Variants in TMEM125 observed in about 807,000 individuals in gnomAD.
The protein encoded by TMEM125 is transmembrane protein 125.
In TMEM125, 11 loss-of-function variants were observed where a neutral mutation model predicts 8.7. The ratio of observed to expected loss-of-function variants is 1.26; its 90% CI spans 0.79 to 2.08. The LOEUF is 2.08. Ranked by LOEUF, TMEM125 falls within the 30% of genes most tolerant of loss-of-function variation. The pLI, the probability that TMEM125 is intolerant of heterozygous loss-of-function variation, is 0.00. For missense variants in TMEM125, 270 were observed against 302.4 expected (o/e 0.89, Z 0.79); for synonymous variants, 144 against 146.1 (o/e 0.99, Z 0.10).
At position 43,272,763 on chromosome 1, in the gene TMEM125, T is replaced by G; in HGVS notation, c.41T>G (p.Leu14Arg). The G allele has an allele frequency of 1.3e-6, 2 of 1,519,936 alleles. No homozygotes were observed. Among genetic ancestry groups the G allele is most frequent in the Non-Finnish European group, 1.8e-6 (2 of 1,134,114 alleles). 94.2% of individuals were successfully genotyped at this position (1,519,936 alleles called of 1,614,324 possible). Residue 14 changes from leucine to arginine, a missense_variant, in exon 4 of 4, where the codon CTG (leucine) becomes CGG (arginine). Transcript: ENST00000439858. The surrounding 1 kb of genome is among the most constrained non-coding windows in gnomAD (Gnocchi z 5.0). ...QEAQAPGGRGLPPDMLAEQVE... is the reference protein window; with the variant it reads ...QEAQAPGGRGRPPDMLAEQVE... ...GCTCAAGCCCCAGGGGGCCGGGGGC[T>G]GCCCCCGGACATGCTGGCAGAGCAG... is the stretch of plus-strand genomic sequence containing the variant.
chr1:43,272,220 T>A lies in TMEM125; in HGVS notation c.-265T>A, dbSNP rs891263736. On this transcript the variant is annotated 5_prime_UTR_variant, in exon 3 of 4. It removes an upstream start codon present in the reference 5' UTR. Coordinates refer to ENST00000439858, the MANE Select transcript of TMEM125 (RefSeq NM_144626.3). The surrounding 1 kb of genome is among the most constrained non-coding windows in gnomAD (Gnocchi z 5.0). Reference sequence around the variant, plus strand: ...GAACCAGTGGTGACAGCTGAGGCCATGTGAGTAGGATCCTGAATGAGGCTT... The same window carrying A: ...GAACCAGTGGTGACAGCTGAGGCCAAGTGAGTAGGATCCTGAATGAGGCTT... 1 of 152,340 alleles carries A rather than the reference T, an allele frequency of 6.6e-6. No homozygotes were observed. Among genetic ancestry groups the A allele is most frequent in the African/African-American group, 2.4e-5 (1 of 41,406 alleles). The allele number at this position is 152,340 out of a possible 1,614,324, so 9.4% of individuals were successfully genotyped here. A position where few individuals can be genotyped will look rare whatever the true frequency, so the allele number is the denominator to read the frequency against.
At position 43,273,112 on chromosome 1, in the gene TMEM125, C is replaced by T. The variant is rs755442899; in HGVS notation, c.390C>T (p.Thr130=). Residue 130 remains threonine (T), a synonymous_variant, in exon 4 of 4, where the codon ACC becomes ACT. Transcript: ENST00000439858. ...SGLVLLVTGL[T]LAGLAAAPAP... The stretch of plus-strand genomic sequence containing the variant: ...TCGTGCTGCTGGTCACCGGCCTGAC[C>T]CTGGCCGGGCTGGCCGCCGCCCCTG... 1 of 1,610,482 alleles carries T rather than the reference C, an allele frequency of 6.2e-7. No individual in the cohort carries two copies. Among genetic ancestry groups the T allele is most frequent in the East Asian group, 2.2e-5 (1 of 44,762 alleles).
In TMEM125 at chr1:43,271,507, C is replaced by T. The variant is rs1481315840; in HGVS notation, c.-301-677C>T. Among the ~76,000 whole-genome samples, 1 of 152,222 alleles carries T rather than the reference C, an allele frequency of 6.6e-6. No individual in the cohort carries two copies. The highest frequency in any genetic ancestry group is 1.5e-5 in the Non-Finnish European group (1 of 68,040). ...AGGGACCTCATGTGCTTTATTTTTGCCCAATGTGAGACATGCTTTCCTCTG... is the reference window on the plus strand; with the variant it reads ...AGGGACCTCATGTGCTTTATTTTTGTCCAATGTGAGACATGCTTTCCTCTG... On this transcript the variant is annotated intron_variant, in intron 2 of 3. Transcript: ENST00000439858. The surrounding 1 kb of genome is among the most constrained non-coding windows in gnomAD (Gnocchi z 4.9).
Position 43,272,978 on chromosome 1 carries a change from C to G in TMEM125, c.256C>G (p.Leu86Val), listed in dbSNP as rs747175230. 1 of 1,611,462 alleles carries G rather than the reference C, an allele frequency of 6.2e-7. No homozygotes were observed. Among genetic ancestry groups the G allele is most frequent in the Non-Finnish European group, 8.5e-7 (1 of 1,178,120 alleles). The part of the protein sequence containing the change: ...LLALLVLVKQ[L>V]MSSAVQDMNC... ...GGCTCTGCTGGTTCTGGTGAAACAGCTGATGAGCTCGGCTGTGCAGGACAT... is the reference window on the plus strand; with the variant it reads ...GGCTCTGCTGGTTCTGGTGAAACAGGTGATGAGCTCGGCTGTGCAGGACAT... The change falls in exon 4 of 4, where the codon CTG (leucine) becomes GTG (valine). Residue 86 changes from leucine (L) to valine (V), a missense_variant. Physicochemically the swap from Leu to Val is conservative, Grantham distance 32. Transcript: ENST00000439858. The surrounding 1 kb of genome is among the most constrained non-coding windows in gnomAD (Gnocchi z 5.0).
rs906298063 is a variant in TMEM125 at position 43,271,789 on chromosome 1, G to T, written c.-301-395G>T. ...GGCTAGAGAAATGTTTAGAGGTGGA[G>T]CCCCAGGGACAGGACGTGGATTAGA... On this transcript the variant is annotated intron_variant, in intron 2 of 3. Transcript: ENST00000439858. This position sits in a 1 kb window ranked among gnomAD's most constrained non-coding sequence, Gnocchi z 4.9. 6.6e-6 allele frequency among the ~76,000 whole-genome samples: 1 copy of T among 152,208 alleles called. No individual in the cohort carries two copies. Among genetic ancestry groups the T allele is most frequent in the Non-Finnish European group, 1.5e-5 (1 of 68,028 alleles).
Position 43,272,526 on chromosome 1 carries a change from C to T in TMEM125, c.-145-52C>T, listed in dbSNP as rs540524674. The T allele has an allele frequency of 2.5e-5, 12 of 481,468 alleles. No homozygotes were observed. The highest frequency in any genetic ancestry group is 5.3e-4 in the Middle Eastern group (1 of 1,872). 29.8% of individuals were successfully genotyped at this position (481,468 alleles called of 1,614,324 possible). A position where few individuals can be genotyped will look rare whatever the true frequency, so the allele number is the denominator to read the frequency against. ...TCATCCCCAAGGCTCCCAGGTGGGACCGTGGGGGACAGGTGGGCTGGGAAG... is the reference window on the plus strand; with the variant it reads ...TCATCCCCAAGGCTCCCAGGTGGGATCGTGGGGGACAGGTGGGCTGGGAAG... On this transcript the variant is annotated intron_variant, in intron 3 of 3. Transcript: ENST00000439858. The surrounding 1 kb of genome is among the most constrained non-coding windows in gnomAD (Gnocchi z 5.0).
Position 43,273,358 on chromosome 1 carries a change from A to G in TMEM125, c.636A>G (p.Thr212=). The change falls in exon 4 of 4, where the codon ACA becomes ACG. Residue 212 remains threonine, a synonymous_variant. Transcript: ENST00000439858. ...QLSAGRRHET[T]SSIASLI is the part of the protein sequence containing the mutation. ...CTGCTGGCCGGCGTCACGAGACCAC[A>G]TCCAGCATTGCCAGCCTCATCTGAC... 6.2e-7 allele frequency: 1 copy of G among 1,609,004 alleles called. No individual in the cohort carries two copies. The highest frequency in any genetic ancestry group is 1.1e-5 in the South Asian group (1 of 90,992).
chr1:43,273,444 G>A lies in TMEM125; in HGVS notation c.*62G>A. On this transcript the variant is annotated 3_prime_UTR_variant, in exon 4 of 4. Coordinates refer to ENST00000439858, the MANE Select transcript of TMEM125 (RefSeq NM_144626.3). ...AGCGTCCCCAGAGCCGAGCCAGGGT[G>A]TGAGTGCATGTGAACGTTGAGTACA... is the stretch of plus-strand genomic sequence containing the variant. 1.3e-6 allele frequency: 2 copies of A among 1,544,624 alleles called. No homozygotes were observed. Among genetic ancestry groups the A allele is most frequent in the Non-Finnish European group, 1.8e-6 (2 of 1,140,370 alleles).
intron 1 of TMEM125, 65 bp from the exon 2 acceptor site, chr1:43,270,616 C>T (rs1646483839): frequency 6.5e-6 from 1 of 152,952 alleles, no homozygotes; most frequent in Non-Finnish European, 1.5e-5. Context: ...AGGAGCAGTG[C>T]CACGTCAGCC....
chr1:43,270,853 C>T (rs1646486238), intron 2 of TMEM125, 60 bp downstream of exon 2: 1 of 141,476 alleles, frequency 7.1e-6, no homozygotes, highest in African/African-American at 2.8e-5. Flanking sequence ...ACTCGCTTCT[C>T]CCCTGAGAAC....
rs756339709 is a variant in TMEM125, at chr1:43,273,059, G to A, written c.337G>A (p.Asp113Asn). The A allele has an allele frequency of 1.1e-5, 18 of 1,610,496 alleles. No individual in the cohort carries two copies. The highest frequency in any genetic ancestry group is 4.5e-5 in the East Asian group (2 of 44,730). Residue 113 changes from aspartate to asparagine, a missense_variant, in exon 4 of 4, where the codon GAC (aspartate) becomes AAC (asparagine). Coordinates refer to ENST00000439858, the MANE Select transcript of TMEM125 (RefSeq NM_144626.3). Reference sequence around the variant, plus strand: ...CCTGCTGCGCAGTGGTGGAGGGGCCGACGCCCTCGTGGTGCTGCTCAGTGG... The same window carrying A: ...CCTGCTGCGCAGTGGTGGAGGGGCCAACGCCCTCGTGGTGCTGCTCAGTGG... ...VALLRSGGGA[D>N]ALVVLLSGLV...
chr1:43,272,769 C>G lies in TMEM125; in HGVS notation c.47C>G (p.Pro16Arg), dbSNP rs1471313634. ...GCCCCAGGGGGCCGGGGGCTGCCCC[C>G]GGACATGCTGGCAGAGCAGGTGGAG... ...AQAPGGRGLPPDMLAEQVELW... is the reference protein window; with the variant it reads ...AQAPGGRGLPRDMLAEQVELW... The change falls in exon 4 of 4, where the codon CCG becomes CGG. Residue 16 changes from proline (P) to arginine (R), a missense_variant. Physicochemically the swap from Pro to Arg is moderately radical, Grantham distance 103. Coordinates refer to ENST00000439858, the MANE Select transcript of TMEM125 (RefSeq NM_144626.3). The surrounding 1 kb of genome is among the most constrained non-coding windows in gnomAD (Gnocchi z 5.0). 1.3e-6 allele frequency: 2 copies of G among 1,525,554 alleles called. No homozygotes were observed. Among genetic ancestry groups the G allele is most frequent in the East Asian group, 4.6e-5 (2 of 43,484 alleles). 94.5% of individuals were successfully genotyped at this position (1,525,554 alleles called of 1,614,324 possible).
Position 43,273,450 on chromosome 1 carries a change from G to A in TMEM125, c.*68G>A. Reference sequence around the variant, plus strand: ...CCCAGAGCCGAGCCAGGGTGTGAGTGCATGTGAACGTTGAGTACACATGAG... The same window carrying A: ...CCCAGAGCCGAGCCAGGGTGTGAGTACATGTGAACGTTGAGTACACATGAG... On this transcript the variant is annotated 3_prime_UTR_variant, in exon 4 of 4. Coordinates refer to ENST00000439858, the MANE Select transcript of TMEM125 (RefSeq NM_144626.3). The A allele has an allele frequency of 2.0e-6, 3 of 1,537,560 alleles. No homozygotes were observed. Among genetic ancestry groups the A allele is most frequent in the Non-Finnish European group, 8.8e-7 (1 of 1,135,922 alleles).
chr1:43,273,505 C>T lies in TMEM125; in HGVS notation c.*123C>T. On this transcript the variant is annotated 3_prime_UTR_variant, in exon 4 of 4. Coordinates refer to ENST00000439858, the MANE Select transcript of TMEM125 (RefSeq NM_144626.3). ...TGTATGCCCCCAGGCTGGGTCAGCT[C>T]TTCTGTGGATTGCATGGCGTGTGAT... is the stretch of plus-strand genomic sequence containing the variant. The T allele has an allele frequency of 7.9e-7, 1 of 1,268,744 alleles. No individual in the cohort carries two copies. Among genetic ancestry groups the T allele is most frequent in the Non-Finnish European group, 1.1e-6 (1 of 924,304 alleles). The allele number at this position is 1,268,744 out of a possible 1,614,324, so 78.6% of individuals were successfully genotyped here.
Position 43,273,518 on chromosome 1 carries a change from C to A in TMEM125, c.*136C>A. The A allele has an allele frequency of 8.6e-7, 1 of 1,160,578 alleles. No homozygotes were observed. Among genetic ancestry groups the A allele is most frequent in the Non-Finnish European group, 1.2e-6 (1 of 830,306 alleles). 71.9% of individuals were successfully genotyped at this position (1,160,578 alleles called of 1,614,324 possible). A position where few individuals can be genotyped will look rare whatever the true frequency, so the allele number is the denominator to read the frequency against. ...GCTGGGTCAGCTCTTCTGTGGATTGCATGGCGTGTGATTAAAAGCCCATGT... is the reference window on the plus strand; with the variant it reads ...GCTGGGTCAGCTCTTCTGTGGATTGAATGGCGTGTGATTAAAAGCCCATGT... On this transcript the variant is annotated 3_prime_UTR_variant, in exon 4 of 4. Transcript: ENST00000439858.
rs1330146602 is a variant in TMEM125 at position 43,271,904 on chromosome 1, C to T, written c.-301-280C>T. 2.0e-5 allele frequency among the ~76,000 whole-genome samples: 3 copies of T among 152,082 alleles called. No homozygotes were observed. The highest frequency in any genetic ancestry group is 7.2e-5 in the African/African-American group (3 of 41,386). On this transcript the variant is annotated intron_variant, in intron 2 of 3. Coordinates refer to ENST00000439858, the MANE Select transcript of TMEM125 (RefSeq NM_144626.3). This position sits in a 1 kb window ranked among gnomAD's most constrained non-coding sequence, Gnocchi z 4.9. ...GAAGGAACAGGTTGGAGTAAGACAA[C>T]GAGCTTGGGTTGGGACCTGTTGCAT...
Position 43,273,442 on chromosome 1 carries a change from G to C in TMEM125, c.*60G>C. Reference sequence around the variant, plus strand: ...TCAGCGTCCCCAGAGCCGAGCCAGGGTGTGAGTGCATGTGAACGTTGAGTA... The same window carrying C: ...TCAGCGTCCCCAGAGCCGAGCCAGGCTGTGAGTGCATGTGAACGTTGAGTA... On this transcript the variant is annotated 3_prime_UTR_variant, in exon 4 of 4. Transcript: ENST00000439858. 2 of 1,553,476 alleles carry C rather than the reference G, an allele frequency of 1.3e-6. No homozygotes were observed. Among genetic ancestry groups the C allele is most frequent in the Admixed American group, 1.8e-5 (1 of 55,920 alleles).
Position 43,272,744 on chromosome 1 carries a change from G to A in TMEM125, c.22G>A (p.Ala8Thr). The A allele has an allele frequency of 1.3e-6, 2 of 1,510,334 alleles. No homozygotes were observed. The highest frequency in any genetic ancestry group is 2.7e-5 in the South Asian group (2 of 74,548). 93.6% of individuals were successfully genotyped at this position (1,510,334 alleles called of 1,614,324 possible). Residue 8 changes from alanine (A) to threonine (T), a missense_variant, in exon 4 of 4, where the codon GCC (alanine) becomes ACC (threonine). This residue lies in a region of TMEM125 where 215 missense variants were observed against 216.5 expected (regional missense o/e 0.99). Coordinates refer to ENST00000439858, the MANE Select transcript of TMEM125 (RefSeq NM_144626.3). This position sits in a 1 kb window ranked among gnomAD's most constrained non-coding sequence, Gnocchi z 5.0. ...AGCCATGTCTGAACAGGAGGCTCAA[G>A]CCCCAGGGGGCCGGGGGCTGCCCCC... MSEQEAQAPGGRGLPPDM... is the reference protein window; with the variant it reads MSEQEAQTPGGRGLPPDM...
Position 43,272,592 on chromosome 1 carries a change from A to C in TMEM125, c.-131A>C. The C allele has an allele frequency of 1.3e-6, 1 of 778,796 alleles. No homozygotes were observed. The highest frequency in any genetic ancestry group is 1.9e-6 in the Non-Finnish European group (1 of 530,350). The allele number at this position is 778,796 out of a possible 1,614,324, so 48.2% of individuals were successfully genotyped here. A position where few individuals can be genotyped will look rare whatever the true frequency, so the allele number is the denominator to read the frequency against. Reference sequence around the variant, plus strand: ...TTCCCCTACAGGTGAGGGTGACCATATCCTGGACTGTGAGAGGAATGGGAC... The same window carrying C: ...TTCCCCTACAGGTGAGGGTGACCATCTCCTGGACTGTGAGAGGAATGGGAC... On this transcript the variant is annotated 5_prime_UTR_variant, in exon 4 of 4. Coordinates refer to ENST00000439858, the MANE Select transcript of TMEM125 (RefSeq NM_144626.3). This position sits in a 1 kb window ranked among gnomAD's most constrained non-coding sequence, Gnocchi z 5.0.
Sources: gnomAD v4.1 joint callset for allele counts (sites outside exome capture counted in the v4.1 genomes callset) on GRCh38, gnomAD v4.1.1 for gene constraint, gnomAD v4.1.1 regional missense constraint, Gnocchi (gnomAD v3.1) non-coding constraint, MANE v1.5 for transcripts, NCBI Gene and HGNC (gene_info 2026-07-23, HGNC 2026-07-21) for gene names.